The following TF variants were observed in gnomAD, a reference collection of about 807,000 sequenced individuals.
The protein encoded by TF is serotransferrin.
TF carries 55 observed loss-of-function variants against 82.4 expected under a neutral mutation model. That is an observed-to-expected ratio of 0.67 (90% CI 0.54 to 0.84). TF has a LOEUF of 0.84. TF is among the 40% of genes least tolerant of loss of function. The pLI is 0.00. For synonymous variants in TF, 332 were observed against 332.6 expected, an observed-to-expected ratio of 1.00 and a Z score of 0.02; for missense variants, 737 against 868.4, an observed-to-expected ratio of 0.85 and a Z score of 1.90.
At chr3:133,726,945 A>T in the TF span, among the ~76,000 whole-genome samples, 11 of 152,034 alleles carry the variant, frequency 7.2e-5, no homozygotes, top group South Asian at 2.1e-4. Context: ...CAGGTTGTTC[A>T]GTTTCCATGT....
chr3:133,742,617 C>T (rs574919552), upstream of TF, among the ~76,000 whole-genome samples: 49 of 152,236 alleles, frequency 3.2e-4, no homozygotes, highest in Non-Finnish European at 6.0e-4. Context: ...TCGTGAATGT[C>T]GGTTCTCAGG....
At chr3:133,743,072 A>G (rs549463454), upstream of TF, among the ~76,000 whole-genome samples, 1 of 152,192 alleles carries the variant, frequency 6.6e-6, no homozygotes, top group Admixed American at 6.5e-5. Flanking sequence ...GAAGGTCAAT[A>G]TCAAGAAGGC....
the TF span, among the ~76,000 whole-genome samples, chr3:133,716,466 G>A: frequency 6.6e-6 from 1 of 152,112 alleles, no homozygotes; most frequent in Non-Finnish European, 1.5e-5. Flanking sequence ...GCCTGCCCTT[G>A]TTCTCTCTCA....
upstream of TF, among the ~76,000 whole-genome samples, chr3:133,741,065 C>T (rs1933380068): frequency 7.0e-6 from 1 of 142,200 alleles, no homozygotes; most frequent in African/African-American, 2.6e-5. Flanking sequence ...AATCTCAGGT[C>T]ACTGCAACCT....
At chr3:133,729,952 C>A in the TF span, among the ~76,000 whole-genome samples, 1 of 152,062 alleles carries the variant, frequency 6.6e-6, no homozygotes, top group East Asian at 1.9e-4. Flanking sequence ...TTTTAAATTT[C>A]TTTTCAGGTA....
At chr3:133,734,553 G>A in the TF span, among the ~76,000 whole-genome samples, 1 of 152,064 alleles carries the variant, frequency 6.6e-6, no homozygotes, top group Non-Finnish European at 1.5e-5. Context: ...ACGAGTCCAT[G>A]CAGATATAAA....
rs775523920 is a variant in TF at position 133,777,105 on chromosome 3, G to A, written c.1929G>A (p.Ser643=). Residue 643 remains serine, a synonymous_variant, in exon 16 of 17, where the codon TCG becomes TCA. Coordinates refer to ENST00000402696, the MANE Select transcript of TF (RefSeq NM_001063.4). ...CGGGCAACTTTTGTTTGTTCCGGTCGGAAACCAAGGACCTTCTGTTCAGAG... is the reference window on the plus strand; with the variant it reads ...CGGGCAACTTTTGTTTGTTCCGGTCAGAAACCAAGGACCTTCTGTTCAGAG... The part of the protein sequence containing the change: ...DCSGNFCLFR[S]ETKDLLFRDD... The A allele has an allele frequency of 1.5e-5, 24 of 1,614,142 alleles. No individual in the cohort carries two copies. Among genetic ancestry groups the A allele is most frequent in the South Asian group, 8.8e-5 (8 of 91,086 alleles).
Position 133,791,239 on chromosome 3 carries a change from A to C in TF, c.*12619A>C, listed in dbSNP as rs145966471. The C allele has an allele frequency of 3.3e-5, 5 of 152,304 alleles. No individual in the cohort carries two copies. The highest frequency in any genetic ancestry group is 7.4e-5 in the Non-Finnish European group (5 of 68,024). 9.4% of individuals were successfully genotyped at this position (152,304 alleles called of 1,614,324 possible). A position where few individuals can be genotyped will look rare whatever the true frequency, so the allele number is the denominator to read the frequency against. ...CCTTGAACTAACTCAAATTCTGTTT[A>C]TGATACTTTAAGTGTGTTGAGTATA... On this transcript the variant is annotated 3_prime_UTR_variant, in exon 17 of 17. Transcript: ENST00000402696.
the TF span, among the ~76,000 whole-genome samples, chr3:133,713,145 G>A: frequency 2.0e-5 from 3 of 152,114 alleles, no homozygotes; most frequent in African/African-American, 7.2e-5. Context: ...AAAATCACAG[G>A]GGGGACACCA....
Position 133,780,650 on chromosome 3 carries a change from A to G in TF, c.*2030A>G, listed in dbSNP as rs975682813. ...AAGAAAAATAAGTTATAATATTTAA[A>G]GAAATGCCAAAATTACTTTTATTTG... On this transcript the variant is annotated 3_prime_UTR_variant, in exon 17 of 17. Coordinates refer to ENST00000402696, the MANE Select transcript of TF (RefSeq NM_001063.4). 1 of 152,238 alleles carries G rather than the reference A, an allele frequency of 6.6e-6. No individual in the cohort carries two copies. Among genetic ancestry groups the G allele is most frequent in the Admixed American group, 6.5e-5 (1 of 15,286 alleles). The allele number at this position is 152,238 out of a possible 1,614,324, so 9.4% of individuals were successfully genotyped here. A position where few individuals can be genotyped will look rare whatever the true frequency, so the allele number is the denominator to read the frequency against.
intron 2 of TF, among the ~76,000 whole-genome samples, chr3:133,750,626 G>A (rs542001009): frequency 2.0e-5 from 3 of 152,148 alleles, no homozygotes; most frequent in African/African-American, 7.2e-5. Context: ...AGGGCTGGAC[G>A]CTGTGTTTTA....
rs1414305626 is a variant in TF at position 133,784,498 on chromosome 3, T to G, written c.*5878T>G. The G allele has an allele frequency of 6.8e-6, 1 of 146,174 alleles. No individual in the cohort carries two copies. Among genetic ancestry groups the G allele is most frequent in the South Asian group, 2.2e-4 (1 of 4,584 alleles). 9.1% of individuals were successfully genotyped at this position (146,174 alleles called of 1,614,324 possible). On this transcript the variant is annotated 3_prime_UTR_variant, in exon 17 of 17. Transcript: ENST00000402696. Reference sequence around the variant, plus strand: ...ATAATAATAATAATAATAATAATAATAATAATAATAGGACATAAATGGCTT... The same window carrying G: ...ATAATAATAATAATAATAATAATAAGAATAATAATAGGACATAAATGGCTT...
At chr3:133,690,031 A>T in the TF span, among the ~76,000 whole-genome samples, 1 of 152,196 alleles carries the variant, frequency 6.6e-6, no homozygotes, top group African/African-American at 2.4e-5. Flanking sequence ...ATTCAGAAAA[A>T]TAATCAAGTG....
chr3:133,664,814 A>G, the TF span: 1 of 151,848 alleles, frequency 6.6e-6, no homozygotes, highest in Non-Finnish European at 1.5e-5. Context: ...TGACCTCCTC[A>G]GATGTGGAAC....
At chr3:133,703,623 A>G in the TF span, among the ~76,000 whole-genome samples, 4 of 152,176 alleles carry the variant, frequency 2.6e-5, no homozygotes, top group African/African-American at 7.2e-5. Context: ...AGATTTCTAG[A>G]AGGGTAGTGA....
the TF span, among the ~76,000 whole-genome samples, chr3:133,686,140 G>A: frequency 6.6e-6 from 1 of 152,204 alleles, no homozygotes; most frequent in Non-Finnish European, 1.5e-5. Context: ...AAACTGGGTA[G>A]CCATATGTAG....
chr3:133,675,743 G>A, the TF span, among the ~76,000 whole-genome samples: 3 of 152,232 alleles, frequency 2.0e-5, no homozygotes, highest in Non-Finnish European at 4.4e-5. Flanking sequence ...ATGTGGAGCA[G>A]TGCTATGTGC....
At chr3:133,675,242 C>CAAAA in the TF span, among the ~76,000 whole-genome samples, 30 of 55,392 alleles carry the variant, frequency 5.4e-4, no homozygotes, top group African/African-American at 1.1e-3. Flanking sequence ...GAGACTCTGT[C>CAAAA]AAAAAAAAAA....
the TF span, chr3:133,709,451 C>G: frequency 6.5e-6 from 1 of 152,702 alleles, no homozygotes; most frequent in Non-Finnish European, 1.5e-5. Context: ...TACATTCTTC[C>G]TCCTCCTTCC....
Sources: allele counts gnomAD v4.1 joint callset (sites outside exome capture counted in the v4.1 genomes callset), GRCh38; gene constraint gnomAD v4.1.1; transcripts MANE v1.5; gene names NCBI Gene and HGNC (gene_info 2026-07-23, HGNC 2026-07-21).